CCDC51: variants seen among roughly 807,000 people sequenced by gnomAD.
CCDC51 encodes the protein mitochondrial potassium channel.
A neutral mutation model predicts 24.8 loss-of-function variants in CCDC51; 25 were observed. That is an observed-to-expected ratio of 1.01 (90% CI 0.73 to 1.41). The LOEUF (loss-of-function observed/expected upper bound fraction) is 1.41. CCDC51 is among the 40% of genes most tolerant of loss of function. CCDC51 has a pLI of 0.00. For synonymous variants in CCDC51, 190 were observed against 204.3 expected, an observed-to-expected ratio of 0.93 and a Z score of 0.60; for missense variants, 466 against 519.1, an observed-to-expected ratio of 0.90 and a Z score of 0.99.
At position 48,434,819 on chromosome 3, in the gene CCDC51, C is replaced by A. The variant is rs1408698374; in HGVS notation, c.310G>T (p.Glu104Ter). ...GCCACCCCAGCTCCCCTCCTCACCT[C>A]TGTCACCTTTCCCTGGGCCTCTCGA... ...EVREAQGKVT[E>*]AEKVFMVARG... is the part of the protein sequence containing the mutation. Residue 104 changes from glutamate to a stop codon, truncating the protein, a stop_gained and splice_region_variant, in exon 2 of 4, where the codon GAG (glutamate) becomes TAG (stop). Coordinates refer to ENST00000395694, the MANE Select transcript of CCDC51 (RefSeq NM_001256964.2). LOFTEE classifies it high-confidence loss of function. 1.6e-5 allele frequency: 25 copies of A among 1,593,456 alleles called. No individual in the cohort carries two copies. Among genetic ancestry groups the A allele is most frequent in the Non-Finnish European group, 2.1e-5 (25 of 1,167,120 alleles).
In CCDC51 at chr3:48,435,741, A is replaced by G. The variant is rs888297516; in HGVS notation, c.-8-605T>C. Among the ~76,000 whole-genome samples, 1 of 151,948 alleles carries G rather than the reference A, an allele frequency of 6.6e-6. No individual in the cohort carries two copies. The highest frequency in any genetic ancestry group is 2.4e-5 in the African/African-American group (1 of 41,364). On this transcript the variant is annotated intron_variant, in intron 1 of 3. Coordinates refer to ENST00000395694, the MANE Select transcript of CCDC51 (RefSeq NM_001256964.2). This position sits in a 1 kb window ranked among gnomAD's most constrained non-coding sequence, Gnocchi z 4.2. ...GGCCATTTGTGACCCAAGACAGAAA[A>G]CTCTCAGCTCTCCTCTAAGATAATT...
rs1560087999 is a variant in CCDC51, at chr3:48,432,923, G to T, written c.721C>A (p.Pro241Thr). The change falls in exon 4 of 4, where the codon CCT becomes ACT. Residue 241 changes from proline (P) to threonine (T), a missense_variant. Pro to Thr is a conservative substitution (Grantham distance 38). Coordinates refer to ENST00000395694, the MANE Select transcript of CCDC51 (RefSeq NM_001256964.2). ...CGAATGGCCTCTTGGAGACTCACAG[G>T]CCCCTTCTGCGCCTCCAGGAGTAAA... ...KALLLEAQKG[P>T]VSLQEAIREQ... 3 of 1,614,048 alleles carry T rather than the reference G, an allele frequency of 1.9e-6. No homozygotes were observed. The highest frequency in any genetic ancestry group is 1.7e-4 in the Middle Eastern group (1 of 6,058).
upstream of CCDC51, among the ~76,000 whole-genome samples, chr3:48,444,744 C>T (rs2039635632): frequency 6.6e-6 from 1 of 152,186 alleles, no homozygotes; most frequent in African/African-American, 2.4e-5. Context: ...GTGGAAGAGG[C>T]AGGGCAGGGC....
chr3:48,433,068 C>T lies in CCDC51; in HGVS notation c.576G>A (p.Lys192=), dbSNP rs1367356094. 2.5e-6 allele frequency: 4 copies of T among 1,613,948 alleles called. No individual in the cohort carries two copies. The highest frequency in any genetic ancestry group is 1.6e-4 in the Middle Eastern group (1 of 6,080). ...TGGTCCTCTCAGCCCTTGTGCGCTC[C>T]TTCTCATGACTTTCCCGCACAGCTG... is the stretch of plus-strand genomic sequence containing the variant. The part of the protein sequence containing the change: ...FSAAVRESHE[K]ERTRAERTKN... Residue 192 remains lysine (K), a synonymous_variant, in exon 4 of 4, where the codon AAG becomes AAA. Transcript: ENST00000395694. The surrounding 1 kb of genome is among the most constrained non-coding windows in gnomAD (Gnocchi z 4.4).
In CCDC51 at chr3:48,432,326, G is replaced by A; in HGVS notation, c.*82C>T. The A allele has an allele frequency of 6.5e-7, 1 of 1,538,582 alleles. No homozygotes were observed. Among genetic ancestry groups the A allele is most frequent in the Non-Finnish European group, 8.8e-7 (1 of 1,130,376 alleles). On this transcript the variant is annotated 3_prime_UTR_variant, in exon 4 of 4. Transcript: ENST00000395694. ...GATTGAGGTTGTACATGCCCCCAAA[G>A]GCTCGCTTCATTGCTACGATTCTCT...
At chr3:48,445,226 C>T (rs2039647574), upstream of CCDC51, 1 of 151,960 alleles carries the variant, frequency 6.6e-6, no homozygotes, top group Non-Finnish European at 1.5e-5. Context: ...CCTCCCAGGC[C>T]CTTAATACAA....
rs116932390 is a variant in CCDC51, at chr3:48,432,848, T to C, written c.796A>G (p.Met266Val). 1,004 of 1,594,176 alleles carry C rather than the reference T, an allele frequency of 6.3e-4. 5 individuals are homozygous for C. In the East Asian group the frequency reaches 0.018, roughly 28 times the overall value. ...SRQQRDLHNL[M>V]VDLRGLVHAA... Reference sequence around the variant, plus strand: ...TGTACCAGGCCCCTCAGGTCCACCATGAGATTGTGGAGGTCCCTCTGCTGG... The same window carrying C: ...TGTACCAGGCCCCTCAGGTCCACCACGAGATTGTGGAGGTCCCTCTGCTGG... The change falls in exon 4 of 4, where the codon ATG becomes GTG. Residue 266 changes from methionine (M) to valine (V), a missense_variant. Physicochemically the swap from Met to Val is conservative, Grantham distance 21. Transcript: ENST00000395694.
At position 48,434,810 on chromosome 3, in the gene CCDC51, T is replaced by G; in HGVS notation, c.312+7A>C. The G allele has an allele frequency of 1.3e-6, 2 of 1,583,258 alleles. No individual in the cohort carries two copies. Among genetic ancestry groups the G allele is most frequent in the Non-Finnish European group, 1.7e-6 (2 of 1,161,144 alleles). ...GCGGGGCCAGCCACCCCAGCTCCCCTCCTCACCTCTGTCACCTTTCCCTGG... is the reference window on the plus strand; with the variant it reads ...GCGGGGCCAGCCACCCCAGCTCCCCGCCTCACCTCTGTCACCTTTCCCTGG... On this transcript the variant is annotated splice_region_variant and intron_variant, in intron 2 of 3. Coordinates refer to ENST00000395694, the MANE Select transcript of CCDC51 (RefSeq NM_001256964.2).
intron 1 of CCDC51, among the ~76,000 whole-genome samples, chr3:48,436,453 G>T (rs374685536): frequency 6.6e-6 from 1 of 152,192 alleles, no homozygotes; most frequent in Non-Finnish European, 1.5e-5. Flanking sequence ...GCTGAGAGCC[G>T]CAGAAGGGAA....
Position 48,433,702 on chromosome 3 carries a change from C to T in CCDC51, c.477+5G>A. 1 of 1,611,890 alleles carries T rather than the reference C, an allele frequency of 6.2e-7. No individual in the cohort carries two copies. Among genetic ancestry groups the T allele is most frequent in the Non-Finnish European group, 8.5e-7 (1 of 1,178,678 alleles). ...TGCGAAAGGGCTGCCTCCTGAGGTG[C>T]CTACCTGCAGCATCCTGTGCTCGAG... On this transcript the variant is annotated splice_donor_5th_base_variant and intron_variant, in intron 3 of 3. Coordinates refer to ENST00000395694, the MANE Select transcript of CCDC51 (RefSeq NM_001256964.2). The surrounding 1 kb of genome is among the most constrained non-coding windows in gnomAD (Gnocchi z 4.4).
At chr3:48,446,094 C>G in the CCDC51 span, among the ~76,000 whole-genome samples, 4 of 151,994 alleles carry the variant, frequency 2.6e-5, no homozygotes, top group Non-Finnish European at 5.9e-5. Flanking sequence ...GGGGGACTTC[C>G]TTGACCTCCT....
chr3:48,443,241 C>CA (rs3082576), upstream of CCDC51, among the ~76,000 whole-genome samples: 441 of 70,456 alleles, frequency 6.3e-3, 1 homozygote, highest in Non-Finnish European at 8.2e-3. Context: ...ACTCCATCTC[C>CA]AAAAAAAAAA....
chr3:48,438,319 TG>T (rs2039423352), intron 1 of CCDC51: 1 of 151,986 alleles, frequency 6.6e-6, no homozygotes, highest in Non-Finnish European at 1.5e-5. Context: ...TCAATAAAGT[TG>T]TTTTTTTAAA....
chr3:48,440,111 C>T lies in CCDC51; in HGVS notation c.-132G>A. 1 of 970,228 alleles carries T rather than the reference C, an allele frequency of 1.0e-6. No homozygotes were observed. The highest frequency in any genetic ancestry group is 1.5e-6 in the Non-Finnish European group (1 of 676,006). 60.1% of individuals were successfully genotyped at this position (970,228 alleles called of 1,614,324 possible). The stretch of plus-strand genomic sequence containing the variant: ...CTCCTCGTACCTGGCGTGGCCCGAC[C>T]AATCGTCTGCCACTCAGTTGACCTC... On this transcript the variant is annotated 5_prime_UTR_variant, in exon 1 of 4. Coordinates refer to ENST00000395694, the MANE Select transcript of CCDC51 (RefSeq NM_001256964.2).
At position 48,435,183 on chromosome 3, in the gene CCDC51, G is replaced by A. The variant is rs868510705; in HGVS notation, c.-8-47C>T. 1.4e-6 allele frequency: 2 copies of A among 1,477,812 alleles called. No homozygotes were observed. Among genetic ancestry groups the A allele is most frequent in the Middle Eastern group, 1.8e-4 (1 of 5,538 alleles). 91.5% of individuals were successfully genotyped at this position (1,477,812 alleles called of 1,614,324 possible). A position where few individuals can be genotyped will look rare whatever the true frequency, so the allele number is the denominator to read the frequency against. On this transcript the variant is annotated intron_variant, in intron 1 of 3. Transcript: ENST00000395694. This position sits in a 1 kb window ranked among gnomAD's most constrained non-coding sequence, Gnocchi z 4.2. The stretch of plus-strand genomic sequence containing the variant: ...GGTCAGCTCACAGCTGAGAAAGGCT[G>A]GACATAAGTCAGTTTTGAGGCCTAG...
At chr3:48,438,599 G>A (rs896920960) in intron 1 of CCDC51, among the ~76,000 whole-genome samples, 3 of 152,016 alleles carry the variant, frequency 2.0e-5, no homozygotes. Flanking sequence ...AATGCCCCTG[G>A]CTTTCCAAAT....
At chr3:48,445,509 A>G in the CCDC51 span, among the ~76,000 whole-genome samples, 1 of 152,170 alleles carries the variant, frequency 6.6e-6, no homozygotes, top group African/African-American at 2.4e-5. Flanking sequence ...AACAAACCTG[A>G]GCACCAGTGA....
At position 48,432,505 on chromosome 3, in the gene CCDC51, G is replaced by A. The variant is rs1423662995; in HGVS notation, c.1139C>T (p.Ala380Val). 5 of 1,614,192 alleles carry A rather than the reference G, an allele frequency of 3.1e-6. No homozygotes were observed. The highest frequency in any genetic ancestry group is 4.2e-6 in the Non-Finnish European group (5 of 1,180,046). The change falls in exon 4 of 4, where the codon GCC (alanine) becomes GTC (valine). Residue 380 changes from alanine to valine, a missense_variant. Physicochemically the swap from Ala to Val is moderately conservative, Grantham distance 64. Coordinates refer to ENST00000395694, the MANE Select transcript of CCDC51 (RefSeq NM_001256964.2). ...ATAGATGGTGTTCCTGTTGACTTGGGCTTCTAGTCTCTGCTCCGTGTCTGA... is the reference window on the plus strand; with the variant it reads ...ATAGATGGTGTTCCTGTTGACTTGGACTTCTAGTCTCTGCTCCGTGTCTGA... ...ALSDTEQRLE[A>V]QVNRNTIYST... is the part of the protein sequence containing the mutation.
intron 2 of CCDC51, among the ~76,000 whole-genome samples, chr3:48,434,211 C>T (rs1560090003): frequency 6.6e-6 from 1 of 152,208 alleles, no homozygotes; most frequent in East Asian, 1.9e-4. Flanking sequence ...TATAACAATG[C>T]CATGAAAGGC....
Sources: gnomAD v4.1 joint callset for allele counts (sites outside exome capture counted in the v4.1 genomes callset) on GRCh38, gnomAD v4.1.1 for gene constraint, Gnocchi (gnomAD v3.1) non-coding constraint, MANE v1.5 for transcripts, NCBI Gene and HGNC (gene_info 2026-07-23, HGNC 2026-07-21) for gene names.